The following ADAMTS20 variants were observed in gnomAD, a reference collection of about 807,000 sequenced individuals.
The protein encoded by ADAMTS20 is ADAM metallopeptidase with thrombospondin type 1 motif 20.
Under a neutral mutation model 260.1 loss-of-function variants are expected in ADAMTS20, and 225 were observed. That is an observed-to-expected ratio of 0.87 (90% CI 0.78 to 0.97). ADAMTS20 has a LOEUF of 0.97. Ranked by LOEUF, ADAMTS20 falls within the 50% of genes least tolerant of loss-of-function variation. The probability of loss-of-function intolerance (pLI) is 0.00; values close to 1 mark genes in which losing one functional copy is unlikely to be tolerated. For missense variants in ADAMTS20, 2,400 were observed against 2,337.7 expected (o/e 1.03, Z -0.55); for synonymous variants, 802 against 769.5 (o/e 1.04, Z -0.70).
intron 29 of ADAMTS20, among the ~76,000 whole-genome samples, chr12:43,394,946 C>T (rs1001724006): frequency 6.6e-6 from 1 of 152,074 alleles, no homozygotes; most frequent in Non-Finnish European, 1.5e-5. Context: ...GTGACTGTCC[C>T]TTGCTGCTCC....
At chr12:43,419,346 C>T (rs528807343) in intron 28 of ADAMTS20, among the ~76,000 whole-genome samples, 4 of 151,878 alleles carry the variant, frequency 2.6e-5, no homozygotes, top group Admixed American at 6.6e-5. Context: ...AACATAAAAA[C>T]GTTAATGTCT....
Position 43,440,086 on chromosome 12 carries a change from C to A in ADAMTS20, c.2291-17G>T. On this transcript the variant is annotated splice_polypyrimidine_tract_variant and intron_variant, in intron 16 of 38. Coordinates refer to ENST00000389420, the MANE Select transcript of ADAMTS20 (RefSeq NM_025003.5). ...CAGATAATGCTGTAAAAGAATAAAGCATAACTCATGAAATAGTAACACCAA... is the reference window on the plus strand; with the variant it reads ...CAGATAATGCTGTAAAAGAATAAAGAATAACTCATGAAATAGTAACACCAA... 1 of 1,526,764 alleles carries A rather than the reference C, an allele frequency of 6.5e-7. No homozygotes were observed. The allele number at this position is 1,526,764 out of a possible 1,614,324, so 94.6% of individuals were successfully genotyped here.
chr12:43,490,351 A>G, intron 7 of ADAMTS20, 44 bp downstream of exon 7: 1 of 1,004,932 alleles, frequency 1.0e-6, no homozygotes, highest in Non-Finnish European at 1.4e-6. Flanking sequence ...AAATAATTCA[A>G]TAAACAATTA....
intron 11 of ADAMTS20, among the ~76,000 whole-genome samples, chr12:43,456,019 T>G (rs563059731): frequency 6.6e-6 from 1 of 152,342 alleles, no homozygotes; most frequent in East Asian, 1.9e-4. Context: ...TTTCAATTCT[T>G]TGGGTATATA....
intron 31 of ADAMTS20, among the ~76,000 whole-genome samples, chr12:43,380,700 G>A (rs1940330768): frequency 6.6e-6 from 1 of 152,066 alleles, no homozygotes; most frequent in African/African-American, 2.4e-5. Context: ...TAAAAGAAGT[G>A]CAAGATTTGC....
intron 15 of ADAMTS20, among the ~76,000 whole-genome samples, chr12:43,444,935 A>G (rs1041889387): frequency 1.3e-5 from 2 of 152,204 alleles, no homozygotes; most frequent in Non-Finnish European, 2.9e-5. Context: ...GACGATAAGA[A>G]ATAGTTTCAT....
At chr12:43,446,788 A>G (rs1941770511) in intron 14 of ADAMTS20, 76 bp from the exon 15 acceptor site, 6 of 1,194,274 alleles carry the variant, frequency 5.0e-6, no homozygotes, top group Non-Finnish European at 7.3e-6. Context: ...AAATACATAC[A>G]ATCAGATATG....
intron 29 of ADAMTS20, among the ~76,000 whole-genome samples, chr12:43,398,170 C>T (rs1474302070): frequency 6.6e-6 from 1 of 152,168 alleles, no homozygotes; most frequent in Non-Finnish European, 1.5e-5. Context: ...CAGATGGCTA[C>T]ATTGAAAGTC....
At chr12:43,434,035 A>G (rs552923092) in intron 19 of ADAMTS20, among the ~76,000 whole-genome samples, 12 of 152,296 alleles carry the variant, frequency 7.9e-5, no homozygotes, top group Admixed American at 6.5e-4. Flanking sequence ...ATTGAGGCCT[A>G]TATACTGGTA....
intron 3 of ADAMTS20, among the ~76,000 whole-genome samples, chr12:43,526,902 C>G (rs567049501): frequency 3.3e-5 from 5 of 152,024 alleles, no homozygotes; most frequent in African/African-American, 1.2e-4. Flanking sequence ...AAACAAAAAC[C>G]TGGTTCTTTG....
intron 14 of ADAMTS20, 104 bp from the exon 15 acceptor site, chr12:43,446,816 C>T: frequency 3.4e-6 from 3 of 892,854 alleles, no homozygotes; most frequent in South Asian, 2.9e-5. Flanking sequence ...GGATTTACCA[C>T]TGACCCCACA....
chr12:43,448,867 C>T (rs1941810145), intron 14 of ADAMTS20, among the ~76,000 whole-genome samples: 1 of 151,960 alleles, frequency 6.6e-6, no homozygotes, highest in African/African-American at 2.4e-5. Context: ...ATACATGCAG[C>T]CAACAAGCCT....
rs1943106627 is a variant in ADAMTS20 at position 43,523,939 on chromosome 12, A to T, written c.613+8097T>A. 1.3e-5 allele frequency among the ~76,000 whole-genome samples: 2 copies of T among 150,880 alleles called. 1 individual carries two copies. The highest frequency in any genetic ancestry group is 4.2e-4 in the South Asian group (2 of 4,754). ...GGGGAGCTTTATGGCCCCATACATC[A>T]CCCAAGAAACCAGAGTACCTCCCCT... On this transcript the variant is annotated intron_variant, in intron 3 of 38. Coordinates refer to ENST00000389420, the MANE Select transcript of ADAMTS20 (RefSeq NM_025003.5).
intron 14 of ADAMTS20, among the ~76,000 whole-genome samples, chr12:43,450,326 G>A (rs1439957988): frequency 1.3e-5 from 2 of 152,132 alleles, no homozygotes; most frequent in Non-Finnish European, 2.9e-5. Context: ...TCTAAATTTA[G>A]TGATCAGCAA....
chr12:43,495,524 A>G (rs1401784910), intron 4 of ADAMTS20, among the ~76,000 whole-genome samples: 2 of 152,228 alleles, frequency 1.3e-5, no homozygotes, highest in Non-Finnish European at 1.5e-5. Context: ...ACAGATATAG[A>G]TATACATAAT....
At chr12:43,437,540 A>G (rs2137320125) in intron 18 of ADAMTS20, among the ~76,000 whole-genome samples, 1 of 152,312 alleles carries the variant, frequency 6.6e-6, no homozygotes, top group South Asian at 2.1e-4. Context: ...CATGACAAGC[A>G]TGAAATTGGA....
At chr12:43,356,351 A>T (rs375462653) in intron 38 of ADAMTS20, 133 bp downstream of exon 38, 48 of 576,530 alleles carry the variant, frequency 8.3e-5, no homozygotes, top group African/African-American at 7.7e-4. Context: ...CATTATATGT[A>T]ATATACCCAT....
At chr12:43,430,582 C>G in intron 22 of ADAMTS20, 111 bp from the exon 23 acceptor site, 1 of 1,040,244 alleles carries the variant, frequency 9.6e-7, no homozygotes, top group Non-Finnish European at 1.3e-6. Context: ...ATCTTTTTAT[C>G]AATCCTTTAT....
intron 5 of ADAMTS20, 105 bp from the exon 6 acceptor site, chr12:43,492,734 T>C (rs1382799854): frequency 2.3e-6 from 3 of 1,292,962 alleles, no homozygotes; most frequent in Non-Finnish European, 3.2e-6. Context: ...TTCTCACAGG[T>C]GAATGAAGGA....
Sources: allele counts gnomAD v4.1 joint callset (sites outside exome capture counted in the v4.1 genomes callset), GRCh38; gene constraint gnomAD v4.1.1; transcripts MANE v1.5; gene names NCBI Gene and HGNC (gene_info 2026-07-23, HGNC 2026-07-21).